Variants in ATG10 observed in about 807,000 individuals in gnomAD.
ATG10 encodes autophagy related 10.
Under a neutral mutation model 32.1 loss-of-function variants are expected in ATG10, and 30 were observed. The ratio of observed to expected loss-of-function variants is 0.94; its 90% CI spans 0.70 to 1.27. The LOEUF is 1.27. Among genes scored for constraint, ATG10 ranks in the 50% most tolerant of loss-of-function variants. The probability of loss-of-function intolerance (pLI) is 0.00; values close to 1 mark genes in which losing one functional copy is unlikely to be tolerated. For synonymous variants in ATG10, 87 were observed against 91.5 expected (o/e 0.95, Z 0.28); for missense variants, 233 against 262.3 (o/e 0.89, Z 0.77).
intron 3 of ATG10, chr5:82,147,705 G>A (rs1191940713): frequency 2.0e-5 from 3 of 152,216 alleles, no homozygotes; most frequent in Non-Finnish European, 4.4e-5. Context: ...AGAATCTGGG[G>A]TTGTCCTCTT....
chr5:82,152,864 A>G (rs550013618), intron 3 of ATG10, among the ~76,000 whole-genome samples: 15 of 152,362 alleles, frequency 9.8e-5, no homozygotes, highest in Middle Eastern at 3.4e-3. Context: ...AAAAGTTTAG[A>G]GATCTCTGAT....
intron 2 of ATG10, among the ~76,000 whole-genome samples, chr5:82,023,677 A>C (rs1330228624): frequency 1.3e-5 from 2 of 152,244 alleles, no homozygotes; most frequent in South Asian, 4.1e-4. Flanking sequence ...TTTTCTTCAA[A>C]GTAAAACTTA....
intron 1 of ATG10, among the ~76,000 whole-genome samples, chr5:81,986,342 C>G (rs767092591): frequency 1.3e-5 from 2 of 152,162 alleles, no homozygotes; most frequent in African/African-American, 4.8e-5. Flanking sequence ...GAGTCAGTGT[C>G]GATTAATCTG....
chr5:82,007,921 CAAT>C (rs1762028556), intron 2 of ATG10, among the ~76,000 whole-genome samples: 1 of 152,130 alleles, frequency 6.6e-6, no homozygotes, highest in East Asian at 1.9e-4. Flanking sequence ...TTTATAAAGA[CAAT>C]ATGCTTATAT....
At chr5:82,059,239 G>T (rs1763693589) in intron 3 of ATG10, among the ~76,000 whole-genome samples, 1 of 151,764 alleles carries the variant, frequency 6.6e-6, no homozygotes, top group African/African-American at 2.4e-5. Flanking sequence ...TAGCCTTATT[G>T]TATTTCTTGT....
chr5:82,250,908 T>C (rs138213455), intron 5 of ATG10, among the ~76,000 whole-genome samples: 12 of 152,354 alleles, frequency 7.9e-5, no homozygotes, highest in African/African-American at 2.6e-4. Context: ...ACAGGAGGAC[T>C]TGGCATAGGC....
At chr5:82,022,977 T>A (rs1762487363) in intron 2 of ATG10, among the ~76,000 whole-genome samples, 1 of 151,042 alleles carries the variant, frequency 6.6e-6, no homozygotes, top group Non-Finnish European at 1.5e-5. Flanking sequence ...ACACAATGGA[T>A]CTGGAATATG....
At chr5:82,171,232 A>T (rs942598783) in intron 4 of ATG10, among the ~76,000 whole-genome samples, 6 of 152,228 alleles carry the variant, frequency 3.9e-5, no homozygotes, top group East Asian at 3.8e-4. Flanking sequence ...GTGTGTGGAC[A>T]GTTTAAGATG....
chr5:81,987,353 G>A (rs1254872831), intron 1 of ATG10, among the ~76,000 whole-genome samples: 1 of 152,140 alleles, frequency 6.6e-6, no homozygotes, highest in Non-Finnish European at 1.5e-5. Context: ...TCGAACTCCT[G>A]GGTTCAAGCT....
chr5:82,041,926 T>TG (rs1327636728), intron 2 of ATG10, among the ~76,000 whole-genome samples: 10 of 152,226 alleles, frequency 6.6e-5, no homozygotes, highest in Non-Finnish European at 5.9e-5. Flanking sequence ...ATATTGTATT[T>TG]TTTTTTATCT....
chr5:82,142,802 C>T (rs1201424939), intron 3 of ATG10, among the ~76,000 whole-genome samples: 2 of 151,976 alleles, frequency 1.3e-5, no homozygotes, highest in Non-Finnish European at 2.9e-5. Flanking sequence ...GAGATCACAG[C>T]AATACTTAGG....
chr5:82,201,255 CACAA>C (rs1484408898), intron 5 of ATG10, among the ~76,000 whole-genome samples: 2 of 152,158 alleles, frequency 1.3e-5, no homozygotes. Flanking sequence ...CGCCCAAGGT[CACAA>C]ACATTTTTTC....
chr5:82,085,324 T>C (rs1380568373), intron 3 of ATG10, among the ~76,000 whole-genome samples: 1 of 151,956 alleles, frequency 6.6e-6, no homozygotes, highest in Non-Finnish European at 1.5e-5. Flanking sequence ...GCACCCAGAT[T>C]CATAAAGCAA....
At chr5:82,047,802 T>C (rs1047389145) in intron 2 of ATG10, among the ~76,000 whole-genome samples, 6 of 152,200 alleles carry the variant, frequency 3.9e-5, no homozygotes, top group Non-Finnish European at 8.8e-5. Flanking sequence ...GGAGTAGGAA[T>C]ATTGTAAGAA....
intron 5 of ATG10, among the ~76,000 whole-genome samples, chr5:82,198,889 A>G (rs1207737053): frequency 6.6e-6 from 1 of 152,172 alleles, no homozygotes; most frequent in Non-Finnish European, 1.5e-5. Context: ...AGCTTCCTAG[A>G]AGGAGCATGA....
At chr5:82,108,254 A>C (rs1484394734) in intron 3 of ATG10, among the ~76,000 whole-genome samples, 1 of 152,056 alleles carries the variant, frequency 6.6e-6, no homozygotes, top group Non-Finnish European at 1.5e-5. Context: ...CAGACATTAT[A>C]TCATCGTGGA....
At chr5:82,149,619 T>TCTGCTGCCCAGAGTC (rs6149086) in intron 3 of ATG10, among the ~76,000 whole-genome samples, 149,171 of 151,272 alleles carry the variant, frequency 0.99, 73,576 homozygotes, top group Middle Eastern at 1. Flanking sequence ...TAAATACTAC[T>TCTGCTGCCCAGAGTC]CTGCTGCCCA....
At chr5:82,009,860 G>A (rs1310457357) in intron 2 of ATG10, 19 of 1,609,082 alleles carry the variant, frequency 1.2e-5, no homozygotes, top group East Asian at 2.2e-5. Flanking sequence ...TCTCCCCATA[G>A]ATGGACTTGC....
chr5:82,162,342 TG>T (rs954329044), intron 3 of ATG10, among the ~76,000 whole-genome samples: 2 of 152,222 alleles, frequency 1.3e-5, no homozygotes, highest in South Asian at 2.1e-4. Context: ...GATAAGAAAT[TG>T]ATACTTAAAA....
Sources: gnomAD v4.1 joint callset for allele counts (sites outside exome capture counted in the v4.1 genomes callset) on GRCh38, gnomAD v4.1.1 for gene constraint, MANE v1.5 for transcripts, NCBI Gene and HGNC (gene_info 2026-07-23, HGNC 2026-07-21) for gene names.